Variants in INSR observed in about 807,000 individuals in gnomAD.
The protein encoded by INSR is IR.
INSR carries 67 observed loss-of-function variants against 142.6 expected under a neutral mutation model. The ratio of observed to expected loss-of-function variants is 0.47; its 90% CI spans 0.39 to 0.58. The LOEUF (loss-of-function observed/expected upper bound fraction) is 0.58, where lower values mean the gene tolerates loss of function less well. Among genes scored for constraint, INSR ranks in the 20% least tolerant of loss-of-function variants. The pLI is 0.00. For missense variants in INSR, 1,248 were observed against 1,833.2 expected, an observed-to-expected ratio of 0.68 and a Z score of 5.83; for synonymous variants, 756 against 743.1, an observed-to-expected ratio of 1.02 and a Z score of -0.28.
chr19:7,138,547 AT>A (rs923416179), intron 13 of INSR, among the ~76,000 whole-genome samples: 46 of 149,532 alleles, frequency 3.1e-4, no homozygotes, highest in Admixed American at 8.0e-4. Context: ...TAATTTTGAA[AT>A]TTTTTTTTTG....
In INSR at chr19:7,151,149, CCTTTCTTTCTTTCTCTTTCTTT is replaced by C. The variant is rs779077439; in HGVS notation, c.2232-639_2232-618del. Among the ~76,000 whole-genome samples, 608 of 138,268 alleles carry C rather than the reference CCTTTCTTTCTTTCTCTTTCTTT, an allele frequency of 4.4e-3. 10 individuals are homozygous for C. Among genetic ancestry groups the C allele is most frequent in the African/African-American group, 0.012 (445 of 35,952 alleles). 90.7% of individuals were successfully genotyped at this position (138,268 alleles called of 152,430 possible). A position where few individuals can be genotyped will look rare whatever the true frequency, so the allele number is the denominator to read the frequency against. ...TTCTCTGTCCTTTCTTTCTCTCTTTCCTTTCTTTCTTTCTCTTTCTTTCTTTCTTTCTTTCTTTCTTTCTTTC... is the reference window on the plus strand; with the variant it reads ...TTCTCTGTCCTTTCTTTCTCTCTTTCCTTTCTTTCTTTCTTTCTTTCTTTC... On this transcript the variant is annotated intron_variant, in intron 10 of 21. Transcript: ENST00000302850.
chr19:7,151,440 CTA>C (rs869050890), intron 10 of INSR, among the ~76,000 whole-genome samples: 2 of 54,656 alleles, frequency 3.7e-5, no homozygotes, highest in South Asian at 6.1e-4. Flanking sequence ...ACATGTCTGG[CTA>C]TTTTTTTTTT....
chr19:7,231,678 C>A (rs181179410), intron 2 of INSR, among the ~76,000 whole-genome samples: 138 of 152,158 alleles, frequency 9.1e-4, no homozygotes, highest in African/African-American at 3.2e-3. Flanking sequence ...GCCATACATC[C>A]TTTTACCCTC....
rs553329206 is a variant in INSR at position 7,216,050 on chromosome 19, C to T, written c.653-31413G>A. 3.6e-3 allele frequency among the ~76,000 whole-genome samples: 548 copies of T among 151,624 alleles called. 4 individuals carry two copies. Among genetic ancestry groups the T allele is most frequent in the Non-Finnish European group, 6.0e-3 (407 of 67,906 alleles). Reference sequence around the variant, plus strand: ...TAAGAAGATGGAAGCAGGCTGGGCACGGTGGCTCACGCCTATAATCCCAGC... The same window carrying T: ...TAAGAAGATGGAAGCAGGCTGGGCATGGTGGCTCACGCCTATAATCCCAGC... On this transcript the variant is annotated intron_variant, in intron 2 of 21. Coordinates refer to ENST00000302850, the MANE Select transcript of INSR (RefSeq NM_000208.4). The surrounding 1 kb of genome is among the most constrained non-coding windows in gnomAD (Gnocchi z 4.2).
chr19:7,224,243 A>AT (rs11387492), intron 2 of INSR, among the ~76,000 whole-genome samples: 120,767 of 137,492 alleles, frequency 0.88, 54,215 homozygotes, highest in Non-Finnish European at 0.97. Context: ...CACCAGGCCA[A>AT]TTTTTTTTTT....
chr19:7,133,319 A>G (rs1972831308), intron 13 of INSR, among the ~76,000 whole-genome samples: 1 of 152,210 alleles, frequency 6.6e-6, no homozygotes, highest in Admixed American at 6.5e-5. Context: ...GGTACAGTGT[A>G]AAGTTATGTT....
At chr19:7,152,069 G>A (rs1166334076) in intron 10 of INSR, 1 of 154,698 alleles carries the variant, frequency 6.5e-6, no homozygotes, top group Admixed American at 6.3e-5. Context: ...TGGGACCACA[G>A]GCTTACACCA....
intron 2 of INSR, among the ~76,000 whole-genome samples, chr19:7,186,852 C>G (rs1424217846): frequency 6.6e-6 from 1 of 151,582 alleles, no homozygotes; most frequent in Non-Finnish European, 1.5e-5. Flanking sequence ...TTACAGACGC[C>G]CACCACCACA....
chr19:7,259,104 C>CTTCCTTCCTTCCTTCCTTCCTTCT (rs138400357), intron 2 of INSR, among the ~76,000 whole-genome samples: 1 of 129,408 alleles, frequency 7.7e-6, no homozygotes, highest in Non-Finnish European at 1.7e-5. Context: ...TCCCTCCTTC[C>CTTCCTTCCTTCCTTCCTTCCTTCT]TTCCTTCCTT....
chr19:7,182,369 C>T (rs1009622121), intron 3 of INSR, among the ~76,000 whole-genome samples: 1 of 151,832 alleles, frequency 6.6e-6, no homozygotes, highest in Admixed American at 6.6e-5. Context: ...AAAAATTGGC[C>T]AGGCTTGCTG....
At chr19:7,291,986 G>A (rs1968503886) in intron 1 of INSR, among the ~76,000 whole-genome samples, 2 of 151,742 alleles carry the variant, frequency 1.3e-5, no homozygotes, top group Non-Finnish European at 2.9e-5. Context: ...GTAGAGACAG[G>A]GTTTTACCGT....
chr19:7,278,613 C>T (rs1444187761), intron 1 of INSR, among the ~76,000 whole-genome samples: 2 of 152,240 alleles, frequency 1.3e-5, no homozygotes, highest in Non-Finnish European at 2.9e-5. Flanking sequence ...AATCCCAGCA[C>T]TTTGGGAGGT....
At position 7,166,346 on chromosome 19, in the gene INSR, T is replaced by A; in HGVS notation, c.1669A>T (p.Thr557Ser). 1 of 1,614,070 alleles carries A rather than the reference T, an allele frequency of 6.2e-7. No homozygotes were observed. Among genetic ancestry groups the A allele is most frequent in the Non-Finnish European group, 8.5e-7 (1 of 1,180,008 alleles). ...GQDACGSNSW[T>S]VVDIDPPLRS... ...AGGGGTGGGTCAATGTCTACCACCG[T>A]CCAACTGTTGGAACCACACGCATCC... Residue 557 changes from threonine to serine, a missense_variant, in exon 8 of 22, where the codon ACG becomes TCG. This residue lies in a region of INSR where 1,069 missense variants were observed against 1,654.0 expected (regional missense o/e 0.65). Coordinates refer to ENST00000302850, the MANE Select transcript of INSR (RefSeq NM_000208.4). This position sits in a 1 kb window ranked among gnomAD's most constrained non-coding sequence, Gnocchi z 4.1.
intron 5 of INSR, 62 bp from the exon 6 acceptor site, chr19:7,170,813 T>C: frequency 3.0e-6 from 4 of 1,312,536 alleles, no homozygotes; most frequent in Non-Finnish European, 4.4e-6. Context: ...TCCAAGATGG[T>C]GTGGCCATGC....
chr19:7,166,261 G>A lies in INSR; in HGVS notation c.1754C>T (p.Pro585Leu). 6.2e-7 allele frequency: 1 copy of A among 1,614,112 alleles called. No homozygotes were observed. The highest frequency in any genetic ancestry group is 8.5e-7 in the Non-Finnish European group (1 of 1,180,038). The change falls in exon 8 of 22, where the codon CCC becomes CTC. Residue 585 changes from proline to leucine, a missense_variant. By Grantham distance (98) the Pro-to-Leu change is moderately conservative (BLOSUM62 -3). Transcript: ENST00000302850. This position sits in a 1 kb window ranked among gnomAD's most constrained non-coding sequence, Gnocchi z 4.1. ...CACAAAGATGGCATACTGGGTCCAG[G>A]GCTTGAGACCCCGCATCAGCCACCC... ...HPGWLMRGLK[P>L]WTQYAIFVKT...
In INSR at chr19:7,152,936, A is replaced by G. The variant is rs751886934; in HGVS notation, c.2030-9T>C. The G allele has an allele frequency of 6.2e-7, 1 of 1,608,588 alleles. No homozygotes were observed. The highest frequency in any genetic ancestry group is 1.1e-5 in the South Asian group (1 of 90,930). On this transcript the variant is annotated splice_polypyrimidine_tract_variant and intron_variant, in intron 9 of 21. Coordinates refer to ENST00000302850, the MANE Select transcript of INSR (RefSeq NM_000208.4). Reference sequence around the variant, plus strand: ...CGAGGGCAGCTTCAGCCCTGGAGAAAGAAACAGAAAAGGGGGGCTCAAGTC... The same window carrying G: ...CGAGGGCAGCTTCAGCCCTGGAGAAGGAAACAGAAAAGGGGGGCTCAAGTC...
In INSR at chr19:7,267,318, G is replaced by A; in HGVS notation, c.652+27C>T. 1.2e-6 allele frequency: 2 copies of A among 1,611,434 alleles called. No individual in the cohort carries two copies. The highest frequency in any genetic ancestry group is 1.7e-6 in the Non-Finnish European group (2 of 1,177,930). On this transcript the variant is annotated intron_variant, in intron 2 of 21. Transcript: ENST00000302850. This position sits in a 1 kb window ranked among gnomAD's most constrained non-coding sequence, Gnocchi z 6.3. Reference sequence around the variant, plus strand: ...TTTCTAGAACAAGGCACGAGACACTGCTTAGAACCCTGTATCCCCGGCGTA... The same window carrying A: ...TTTCTAGAACAAGGCACGAGACACTACTTAGAACCCTGTATCCCCGGCGTA...
chr19:7,122,565 C>A (rs772723238), intron 19 of INSR, 49 bp downstream of exon 19: 1 of 1,608,500 alleles, frequency 6.2e-7, no homozygotes, highest in East Asian at 2.2e-5. Flanking sequence ...CTTCTGAAAT[C>A]AAACCTGGCC....
At chr19:7,199,324 A>G (rs946045097) in intron 2 of INSR, among the ~76,000 whole-genome samples, 2 of 152,072 alleles carry the variant, frequency 1.3e-5, no homozygotes, top group African/African-American at 2.4e-5. Context: ...CAGAACTCGA[A>G]TCCAGGTCTC....
Sources: allele counts gnomAD v4.1 joint callset (sites outside exome capture counted in the v4.1 genomes callset), GRCh38; gene constraint gnomAD v4.1.1; regional missense constraint gnomAD v4.1.1; non-coding constraint Gnocchi (gnomAD v3.1); transcripts MANE v1.5; gene names NCBI Gene and HGNC (gene_info 2026-07-23, HGNC 2026-07-21).